The following MYO3B variants were observed in gnomAD, a reference collection of about 807,000 sequenced individuals.
MYO3B encodes myosin-IIIb.
A neutral mutation model predicts 174.6 loss-of-function variants in MYO3B; 156 were observed. The ratio of observed to expected loss-of-function variants is 0.89; its 90% CI spans 0.78 to 1.02. The LOEUF (loss-of-function observed/expected upper bound fraction) is 1.02. Ranked by LOEUF, MYO3B falls within the 50% of genes least tolerant of loss-of-function variation. MYO3B has a pLI of 0.00. For missense variants in MYO3B, 1,632 were observed against 1,639.4 expected (o/e 1.00, Z 0.08); for synonymous variants, 563 against 569.1 (o/e 0.99, Z 0.15).
In MYO3B at chr2:170,327,978, T is replaced by C. The variant is rs530381058; in HGVS notation, c.750-7407T>C. Among the ~76,000 whole-genome samples, 7 of 151,924 alleles carry C rather than the reference T, an allele frequency of 4.6e-5. No homozygotes were observed. In the South Asian group the frequency reaches 1.5e-3, roughly 32 times the overall value. On this transcript the variant is annotated intron_variant, in intron 7 of 34. Coordinates refer to ENST00000408978, the MANE Select transcript of MYO3B (RefSeq NM_138995.5). ...GTACAGTGGCTCCATCTCGGCTCAC[T>C]GCAGCCCCGACCTCCCAGGTTCAGA...
At chr2:170,421,397 A>G (rs59610684) in intron 22 of MYO3B, among the ~76,000 whole-genome samples, 329 of 152,272 alleles carry the variant, frequency 2.2e-3, no homozygotes, top group African/African-American at 7.4e-3. Flanking sequence ...GATTGGGCGG[A>G]GTGGGGCTTT....
chr2:170,585,302 C>A (rs1298556118), intron 32 of MYO3B, among the ~76,000 whole-genome samples: 1 of 152,086 alleles, frequency 6.6e-6, no homozygotes, highest in Non-Finnish European at 1.5e-5. Context: ...CATAGTAATT[C>A]TTTGTGTCCT....
chr2:170,628,859 A>T (rs1020347953), intron 32 of MYO3B, among the ~76,000 whole-genome samples: 2 of 152,128 alleles, frequency 1.3e-5, no homozygotes, highest in East Asian at 1.9e-4. Flanking sequence ...AATTTTTTTT[A>T]AAAGAATCTT....
chr2:170,205,590 C>T (rs931666591), intron 3 of MYO3B, among the ~76,000 whole-genome samples: 2 of 152,168 alleles, frequency 1.3e-5, no homozygotes, highest in African/African-American at 2.4e-5. Flanking sequence ...TTTCCCTAGA[C>T]TCTGTCTCTT....
At chr2:170,249,939 A>T (rs2093233020) in intron 7 of MYO3B, among the ~76,000 whole-genome samples, 1 of 152,216 alleles carries the variant, frequency 6.6e-6, no homozygotes, top group South Asian at 2.1e-4. Context: ...CAACAGAAAA[A>T]AATGGCTGAA....
chr2:170,239,471 C>G (rs2093107575), intron 7 of MYO3B, among the ~76,000 whole-genome samples: 1 of 152,232 alleles, frequency 6.6e-6, no homozygotes, highest in African/African-American at 2.4e-5. Context: ...ACAGCTGCAT[C>G]ATCTGCCCAT....
chr2:170,203,152 A>C (rs1054381161), intron 3 of MYO3B, among the ~76,000 whole-genome samples: 2 of 152,206 alleles, frequency 1.3e-5, no homozygotes, highest in African/African-American at 4.8e-5. Flanking sequence ...AAAATCTATA[A>C]GTCCGCCTTT....
At chr2:170,279,833 A>G (rs2093493841) in intron 7 of MYO3B, among the ~76,000 whole-genome samples, 2 of 152,148 alleles carry the variant, frequency 1.3e-5, no homozygotes, top group African/African-American at 2.4e-5. Flanking sequence ...TCCGTGGTGT[A>G]TATATACCAT....
intron 29 of MYO3B, among the ~76,000 whole-genome samples, chr2:170,516,851 T>G (rs1688345063): frequency 6.6e-6 from 1 of 152,208 alleles, no homozygotes; most frequent in Admixed American, 6.5e-5. Flanking sequence ...TTATGAATAT[T>G]TCTACTATTT....
At chr2:170,544,112 G>A in intron 32 of MYO3B, 124 bp downstream of exon 32, 1 of 643,834 alleles carries the variant, frequency 1.6e-6, no homozygotes, top group South Asian at 2.0e-5. Flanking sequence ...AAAAAGTTTT[G>A]GGAAGCCATA....
intron 32 of MYO3B, among the ~76,000 whole-genome samples, chr2:170,547,703 C>G (rs1329253736): frequency 6.6e-6 from 1 of 152,152 alleles, no homozygotes; most frequent in African/African-American, 2.4e-5. Context: ...AAATGAATTA[C>G]TAACAAAATA....
chr2:170,228,498 C>A (rs772182119), intron 6 of MYO3B, among the ~76,000 whole-genome samples: 9 of 152,070 alleles, frequency 5.9e-5, no homozygotes, highest in Non-Finnish European at 1.2e-4. Flanking sequence ...TTTGGACATG[C>A]TAGGAGTTCT....
At chr2:170,494,895 C>T (rs1686755114) in intron 25 of MYO3B, among the ~76,000 whole-genome samples, 1 of 152,146 alleles carries the variant, frequency 6.6e-6, no homozygotes, top group Non-Finnish European at 1.5e-5. Flanking sequence ...ATGTCCTTCT[C>T]CCTACCCAAG....
chr2:170,567,406 T>C (rs1403362490), intron 32 of MYO3B, among the ~76,000 whole-genome samples: 3 of 152,154 alleles, frequency 2.0e-5, no homozygotes, highest in African/African-American at 7.2e-5. Context: ...TAGTGAAGGG[T>C]AGGGGACATC....
In MYO3B at chr2:170,653,158, A is replaced by G. The variant is rs73976210; in HGVS notation, c.*37A>G. 22 of 1,612,364 alleles carry G rather than the reference A, an allele frequency of 1.4e-5. No individual in the cohort carries two copies. The highest frequency in any genetic ancestry group is 5.3e-5 in the African/African-American group (4 of 74,962). On this transcript the variant is annotated 3_prime_UTR_variant, in exon 35 of 35. Transcript: ENST00000408978. ...TAACCCTAAATCTGTCCAGAGTAGG[A>G]ACATTCATGGTAATCGACTGTCTGT...
At chr2:170,423,891 T>C (rs2094639318) in intron 22 of MYO3B, among the ~76,000 whole-genome samples, 1 of 152,210 alleles carries the variant, frequency 6.6e-6, no homozygotes, top group Admixed American at 6.5e-5. Context: ...TAGCAAAAGC[T>C]TTTTAGCAGT....
intron 22 of MYO3B, among the ~76,000 whole-genome samples, chr2:170,432,430 G>T (rs1037190872): frequency 1.3e-5 from 2 of 151,880 alleles, no homozygotes; most frequent in Non-Finnish European, 2.9e-5. Context: ...ATAGAATTAA[G>T]ATATAAAGAA....
intron 7 of MYO3B, among the ~76,000 whole-genome samples, chr2:170,327,859 GCA>G (rs1491268558): frequency 1.2e-5 from 1 of 86,506 alleles, no homozygotes; most frequent in Non-Finnish European, 2.4e-5. Flanking sequence ...GGAATTATTA[GCA>G]TATATATATA....
At chr2:170,260,522 AG>A (rs902024953) in intron 7 of MYO3B, among the ~76,000 whole-genome samples, 1 of 152,196 alleles carries the variant, frequency 6.6e-6, no homozygotes, top group African/African-American at 2.4e-5. Context: ...ACAGACATAA[AG>A]ATTGGAACAG....
Sources: gnomAD v4.1 joint callset for allele counts (sites outside exome capture counted in the v4.1 genomes callset) on GRCh38, gnomAD v4.1.1 for gene constraint, MANE v1.5 for transcripts, NCBI Gene and HGNC (gene_info 2026-07-23, HGNC 2026-07-21) for gene names.